Variants in MIIP observed in about 807,000 individuals in gnomAD.
The protein encoded by MIIP is migration and invasion inhibitory protein.
Under a neutral mutation model 44.8 loss-of-function variants are expected in MIIP, and 44 were observed. That is an observed-to-expected ratio of 0.98 (90% CI 0.77 to 1.26). The LOEUF (loss-of-function observed/expected upper bound fraction) is 1.26, where lower values mean the gene tolerates loss of function less well. Among genes scored for constraint, MIIP ranks in the 50% most tolerant of loss-of-function variants. MIIP has a pLI of 0.00. For synonymous variants in MIIP, 225 were observed against 218.3 expected (o/e 1.03, Z -0.27); for missense variants, 496 against 511.7 (o/e 0.97, Z 0.30).
Position 12,022,455 on chromosome 1 carries a change from A to G in MIIP, c.462+13A>G. ...CAAGCTGTCCAAGGTAACGTGGGAG[A>G]GCGGGACATCTGCTGATGGGAGGAG... On this transcript the variant is annotated intron_variant, in intron 3 of 9. Coordinates refer to ENST00000235332, the MANE Select transcript of MIIP (RefSeq NM_021933.4). 6.6e-7 allele frequency: 1 copy of G among 1,509,074 alleles called. No homozygotes were observed. The highest frequency in any genetic ancestry group is 8.9e-7 in the Non-Finnish European group (1 of 1,127,968). 93.5% of individuals were successfully genotyped at this position (1,509,074 alleles called of 1,614,324 possible). A position where few individuals can be genotyped will look rare whatever the true frequency, so the allele number is the denominator to read the frequency against.
chr1:12,029,578 G>A (rs765484367), intron 6 of MIIP, 187 bp from the exon 7 acceptor site: 18 of 824,460 alleles, frequency 2.2e-5, no homozygotes, highest in African/African-American at 3.5e-5. Flanking sequence ...CCAGGAGGAT[G>A]TCCCTCCCCA....
Position 12,031,343 on chromosome 1 carries a change from C to T in MIIP, c.1020C>T (p.Ser340=), listed in dbSNP as rs1387813356. Residue 340 remains serine (S), a synonymous_variant, in exon 9 of 10, where the codon TCC becomes TCT. Coordinates refer to ENST00000235332, the MANE Select transcript of MIIP (RefSeq NM_021933.4). ...CCCCCAGGAACCTGGACCTCTGGTC[C>T]TCTGTCTCCGCTGAGGCCCAGCACC... ...SSAPRNLDLW[S]SVSAEAQHQK... 1 of 1,613,852 alleles carries T rather than the reference C, an allele frequency of 6.2e-7. No homozygotes were observed. Among genetic ancestry groups the T allele is most frequent in the Non-Finnish European group, 8.5e-7 (1 of 1,179,940 alleles).
intron 4 of MIIP, chr1:12,028,652 CAGCAT>C: frequency 5.4e-6 from 1 of 185,988 alleles, no homozygotes; most frequent in Admixed American, 5.4e-5. Context: ...TGGCAGGTAT[CAGCAT>C]TCAGTCTTGT....
chr1:12,024,719 C>T lies in MIIP; in HGVS notation c.547+1802C>T, dbSNP rs118159576. 2.3e-3 allele frequency among the ~76,000 whole-genome samples: 352 copies of T among 152,292 alleles called. 7 individuals carry two copies. The East Asian group carries it at 0.041, about 18-fold the overall frequency. On this transcript the variant is annotated intron_variant, in intron 4 of 9. Transcript: ENST00000235332. ...AGCCACTGCTCCCAGCCACATGTAG[C>T]GTTTTTTAAGTGGACTGTTAAGCGG...
At chr1:12,029,723 T>G (rs1194627856) in intron 6 of MIIP, 42 bp from the exon 7 acceptor site, 2 of 1,589,608 alleles carry the variant, frequency 1.3e-6, no homozygotes, top group Non-Finnish European at 1.7e-6. Context: ...GGACCTGGGT[T>G]CCTGGCTCAG....
At chr1:12,030,568 T>C (rs1450185292) in intron 8 of MIIP, among the ~76,000 whole-genome samples, 1 of 144,332 alleles carries the variant, frequency 6.9e-6, no homozygotes, top group East Asian at 2.0e-4. Flanking sequence ...TTTTTTTTTT[T>C]TTTTTTTTTT....
intron 3 of MIIP, among the ~76,000 whole-genome samples, 189 bp from the exon 4 acceptor site, chr1:12,022,644 A>G (rs984737787): frequency 2.6e-5 from 4 of 152,196 alleles, no homozygotes; most frequent in East Asian, 1.9e-4. Flanking sequence ...AGAAGAGGCC[A>G]GGATTTGTTC....
chr1:12,029,517 C>T (rs1640180850), intron 6 of MIIP: 3 of 685,376 alleles, frequency 4.4e-6, no homozygotes, highest in Middle Eastern at 4.1e-4. Flanking sequence ...ATCCCACCCT[C>T]CCCAGCAGTG....
chr1:12,029,835 G>A lies in MIIP; in HGVS notation c.786G>A (p.Leu262=). The A allele has an allele frequency of 1.2e-6, 2 of 1,613,420 alleles. No individual in the cohort carries two copies. The highest frequency in any genetic ancestry group is 1.7e-6 in the Non-Finnish European group (2 of 1,179,728). ...TGGATCCCGGTACCCCCTGCCGCCT[G>A]TGCAGGACACCGCGAGACCAGCAGG... ...VPVDPGTPCR[L]CRTPRDQQGP... Residue 262 remains leucine, a synonymous_variant, in exon 7 of 10, where the codon CTG becomes CTA. Transcript: ENST00000235332.
chr1:12,025,881 A>G, intron 4 of MIIP, among the ~76,000 whole-genome samples: 1 of 152,018 alleles, frequency 6.6e-6, no homozygotes, highest in South Asian at 2.1e-4. Flanking sequence ...TATTTTTAGT[A>G]GAGACGGGGT....
intron 4 of MIIP, among the ~76,000 whole-genome samples, chr1:12,028,202 G>T (rs75223823): frequency 2.0e-5 from 3 of 152,162 alleles, no homozygotes; most frequent in Admixed American, 1.3e-4. Flanking sequence ...GTGAGATTCT[G>T]TCTCAAAAAA....
In MIIP at chr1:12,021,693, AG is replaced by A; in HGVS notation, c.-30del. 3 of 1,592,298 alleles carry A rather than the reference AG, an allele frequency of 1.9e-6. No homozygotes were observed. The highest frequency in any genetic ancestry group is 2.2e-5 in the South Asian group (2 of 89,888). On this transcript the variant is annotated 5_prime_UTR_variant, in exon 2 of 10. Transcript: ENST00000235332. ...CAGCCCTGAGGACATCCTGCGGCCCAGGGGCAAGTGACACCTGCTGAGAGAG... is the reference window on the plus strand; with the variant it reads ...CAGCCCTGAGGACATCCTGCGGCCCAGGGCAAGTGACACCTGCTGAGAGAG...
chr1:12,023,307 A>G (rs1393150972), intron 4 of MIIP, among the ~76,000 whole-genome samples: 1 of 150,876 alleles, frequency 6.6e-6, no homozygotes, highest in Non-Finnish European at 1.5e-5. Flanking sequence ...CAAGATATCC[A>G]CCTACCTTGG....
chr1:12,020,504 G>GT (rs1232687980), intron 1 of MIIP, among the ~76,000 whole-genome samples: 3 of 152,196 alleles, frequency 2.0e-5, no homozygotes, highest in African/African-American at 7.2e-5. Context: ...TGAGTGCTTT[G>GT]TTTTTTGTAT....
At chr1:12,026,756 G>A (rs1321056221) in intron 4 of MIIP, among the ~76,000 whole-genome samples, 1 of 152,182 alleles carries the variant, frequency 6.6e-6, no homozygotes, top group African/African-American at 2.4e-5. Context: ...TTATTAGGTA[G>A]GCACCACCAT....
intron 4 of MIIP, among the ~76,000 whole-genome samples, chr1:12,026,023 G>A (rs1411759238): frequency 5.3e-5 from 8 of 151,220 alleles, no homozygotes; most frequent in Admixed American, 1.3e-4. Flanking sequence ...AGGAGGCCAC[G>A]ACCAGGCATG....
Position 12,022,221 on chromosome 1 carries a change from C to A in MIIP, c.241C>A (p.Arg81=), listed in dbSNP as rs766538276. The A allele has an allele frequency of 6.2e-7, 1 of 1,612,864 alleles. No individual in the cohort carries two copies. The highest frequency in any genetic ancestry group is 8.5e-7 in the Non-Finnish European group (1 of 1,179,424). The change falls in exon 3 of 10, where the codon CGA becomes AGA. Residue 81 remains arginine (R), a synonymous_variant. Coordinates refer to ENST00000235332, the MANE Select transcript of MIIP (RefSeq NM_021933.4). ...CGTGTGGGGCCCACCAGATGCCTGT[C>A]GAGGGGACCTCCGTGATGTGGCCAG... ...SSVWGPPDAC[R]GDLRDVARSG...
chr1:12,028,475 G>A (rs759294190), intron 4 of MIIP, among the ~76,000 whole-genome samples: 5 of 151,972 alleles, frequency 3.3e-5, no homozygotes, highest in Non-Finnish European at 7.4e-5. Flanking sequence ...CCATGCACAT[G>A]CCCACCCCGG....
At chr1:12,022,953 G>A in intron 4 of MIIP, 36 bp downstream of exon 4, 1 of 1,536,000 alleles carries the variant, frequency 6.5e-7, no homozygotes, top group Admixed American at 1.8e-5. Flanking sequence ...CACTTTGCCT[G>A]GGAGTGGGAG....
Sources: gnomAD v4.1 joint callset for allele counts (sites outside exome capture counted in the v4.1 genomes callset) on GRCh38, gnomAD v4.1.1 for gene constraint, MANE v1.5 for transcripts, NCBI Gene and HGNC (gene_info 2026-07-23, HGNC 2026-07-21) for gene names.